Variants in RAD52 observed in about 807,000 individuals in gnomAD.
RAD52 encodes the protein DNA repair protein RAD52 homolog.
A neutral mutation model predicts 55.5 loss-of-function variants in RAD52; 47 were observed. That is an observed-to-expected ratio of 0.85 (90% CI 0.67 to 1.08). The LOEUF (loss-of-function observed/expected upper bound fraction) is 1.08, where lower values mean the gene tolerates loss of function less well. RAD52 is among the 50% of genes least tolerant of loss of function. The pLI, the probability that RAD52 is intolerant of heterozygous loss-of-function variation, is 0.00. For missense variants in RAD52, 468 were observed against 522.8 expected (o/e 0.90, Z 1.02); for synonymous variants, 184 against 198.9 (o/e 0.92, Z 0.63).
upstream of RAD52, among the ~76,000 whole-genome samples, chr12:953,263 C>T (rs907015693): frequency 2.0e-5 from 3 of 151,358 alleles, no homozygotes; most frequent in East Asian, 1.9e-4. Context: ...AAGATTGTGC[C>T]ATTGCACTCC....
chr12:965,848 G>A (rs1325018145), intron 1 of RAD52, among the ~76,000 whole-genome samples: 1 of 151,900 alleles, frequency 6.6e-6, no homozygotes, highest in Non-Finnish European at 1.5e-5. Context: ...CACCACACCT[G>A]GCTAATTTTT....
intron 7 of RAD52, among the ~76,000 whole-genome samples, chr12:921,592 G>A (rs968030843): frequency 6.6e-6 from 1 of 152,156 alleles, no homozygotes; most frequent in East Asian, 1.9e-4. Flanking sequence ...AGCCTGCGTG[G>A]GAGGATCACT....
At chr12:985,849 G>A (rs1437247746) in intron 1 of RAD52, among the ~76,000 whole-genome samples, 2 of 150,944 alleles carry the variant, frequency 1.3e-5, no homozygotes, top group African/African-American at 4.9e-5. Context: ...ACCATCTTGC[G>A]CAGGCTGGTC....
intron 1 of RAD52, among the ~76,000 whole-genome samples, chr12:940,254 T>C (rs1374830496): frequency 6.6e-6 from 1 of 151,816 alleles, no homozygotes; most frequent in East Asian, 1.9e-4. Context: ...CTTGATGAGG[T>C]AGTCTTGAAA....
chr12:935,896 A>ATAAC (rs1957597513), intron 1 of RAD52, among the ~76,000 whole-genome samples: 2 of 127,110 alleles, frequency 1.6e-5, no homozygotes, highest in South Asian at 6.2e-4. Flanking sequence ...AAATAAATAA[A>ATAAC]TAACTAGAGA....
intron 1 of RAD52, among the ~76,000 whole-genome samples, chr12:941,380 A>G (rs1592420895): frequency 6.6e-6 from 1 of 151,970 alleles, no homozygotes; most frequent in African/African-American, 2.4e-5. Flanking sequence ...GTGCAATGGC[A>G]CCATCTCGGC....
rs1454230739 is a variant in RAD52, at chr12:913,420, T to C, written c.1228A>G (p.Met410Val). 2 of 1,608,632 alleles carry C rather than the reference T, an allele frequency of 1.2e-6. No individual in the cohort carries two copies. Among genetic ancestry groups the C allele is most frequent in the Non-Finnish European group, 8.5e-7 (1 of 1,175,098 alleles). Residue 410 changes from methionine (M) to valine (V), a missense_variant, in exon 12 of 12, where the codon ATG becomes GTG. Coordinates refer to ENST00000358495, the MANE Select transcript of RAD52 (RefSeq NM_134424.4). ...NWESHRKSQD[M>V]KKRKYDPS Reference sequence around the variant, plus strand: ...GATGGATCATATTTCCTTTTCTTCATGTCCTGGCTCTTCCTATGAGATTCC... The same window carrying C: ...GATGGATCATATTTCCTTTTCTTCACGTCCTGGCTCTTCCTATGAGATTCC...
intron 9 of RAD52, 101 bp downstream of exon 9, chr12:916,243 T>A: frequency 1.3e-6 from 2 of 1,531,868 alleles, no homozygotes; most frequent in Non-Finnish European, 1.7e-6. Flanking sequence ...CGAGGCCTGG[T>A]TTGGAGCCGG....
chr12:933,076 T>C lies in RAD52; in HGVS notation c.-18A>G, dbSNP rs1379621366. 22 of 1,587,742 alleles carry C rather than the reference T, an allele frequency of 1.4e-5. 1 individual carries two copies. The Admixed American group carries it at 3.9e-4, about 28-fold the overall frequency. ...CCAGACATCTTGATTCTGGTTGACCTCTATATAAATAAAAAGCGGAAAAAA... is the reference window on the plus strand; with the variant it reads ...CCAGACATCTTGATTCTGGTTGACCCCTATATAAATAAAAAGCGGAAAAAA... On this transcript the variant is annotated splice_region_variant and 5_prime_UTR_variant, in exon 2 of 12. Transcript: ENST00000358495.
intron 5 of RAD52, among the ~76,000 whole-genome samples, chr12:928,842 A>C (rs1216531402): frequency 6.6e-6 from 1 of 152,078 alleles, no homozygotes; most frequent in East Asian, 1.9e-4. Flanking sequence ...AAAAATTTTT[A>C]TTTTTATACA....
intron 1 of RAD52, among the ~76,000 whole-genome samples, chr12:988,177 G>A (rs1177997858): frequency 6.6e-6 from 1 of 152,168 alleles, no homozygotes; most frequent in African/African-American, 2.4e-5. Context: ...GTCTCATTAT[G>A]TTGCCCAGGC....
At chr12:951,686 ATTTG>A (rs1958530810), upstream of RAD52, among the ~76,000 whole-genome samples, 1 of 151,702 alleles carries the variant, frequency 6.6e-6, no homozygotes, top group African/African-American at 2.4e-5. Context: ...TTGTTTTTCC[ATTTG>A]TTTGTTTCAC....
intron 5 of RAD52, among the ~76,000 whole-genome samples, 183 bp from the exon 6 acceptor site, chr12:927,446 T>C (rs1957101088): frequency 6.6e-6 from 1 of 152,112 alleles, no homozygotes; most frequent in Non-Finnish European, 1.5e-5. Flanking sequence ...CTGGGCTGCC[T>C]GGACATGTGC....
chr12:916,763 C>T lies in RAD52; in HGVS notation c.601G>A (p.Glu201Lys). Residue 201 changes from glutamate to lysine, a missense_variant, in exon 8 of 12, where the codon GAG becomes AAG. Transcript: ENST00000358495. ...AKRQDLEPSV[E>K]EARYNSCRPN... The stretch of plus-strand genomic sequence containing the variant: ...CGGCAGCTGTTGTATCTTGCCTCCT[C>T]CACAGACGGTTCAAGATCTTGTCTC... 1.2e-6 allele frequency: 2 copies of T among 1,614,186 alleles called. No individual in the cohort carries two copies. Among genetic ancestry groups the T allele is most frequent in the Non-Finnish European group, 1.7e-6 (2 of 1,180,030 alleles).
chr12:986,745 C>CT (rs373962428), intron 1 of RAD52, among the ~76,000 whole-genome samples: 2,133 of 133,628 alleles, frequency 0.016, 38 homozygotes, highest in African/African-American at 0.043. Flanking sequence ...ATCTTCTAAG[C>CT]TTTTTTTTTT....
chr12:983,410 A>ATTT (rs58498697), intron 1 of RAD52, among the ~76,000 whole-genome samples: 2 of 121,532 alleles, frequency 1.6e-5, no homozygotes, highest in African/African-American at 6.5e-5. Context: ...TTTCCTGAAG[A>ATTT]TTTTTTTTTT....
chr12:934,828 A>T (rs2154115609), intron 1 of RAD52, among the ~76,000 whole-genome samples: 1 of 152,208 alleles, frequency 6.6e-6, no homozygotes, highest in African/African-American at 2.4e-5. Flanking sequence ...GTTTAAAAAA[A>T]CCGGCCAGGT....
At chr12:972,334 G>A (rs769622981) in intron 1 of RAD52, among the ~76,000 whole-genome samples, 12 of 152,100 alleles carry the variant, frequency 7.9e-5, no homozygotes, top group Non-Finnish European at 1.6e-4. Flanking sequence ...AACAGGATAT[G>A]GGGACAGAAA....
intron 1 of RAD52, among the ~76,000 whole-genome samples, chr12:978,976 T>A (rs1565714014): frequency 6.6e-6 from 1 of 151,110 alleles, no homozygotes; most frequent in Non-Finnish European, 1.5e-5. Context: ...TGTAAAACTT[T>A]AAAAAAAAAG....
Sources: gnomAD v4.1 joint callset for allele counts (sites outside exome capture counted in the v4.1 genomes callset) on GRCh38, gnomAD v4.1.1 for gene constraint, MANE v1.5 for transcripts, NCBI Gene and HGNC (gene_info 2026-07-23, HGNC 2026-07-21) for gene names.